The following SLC8A3 variants were observed in gnomAD, a reference collection of about 807,000 sequenced individuals.
SLC8A3 encodes solute carrier family 8 member A3.
A neutral mutation model predicts 65.4 loss-of-function variants in SLC8A3; 37 were observed. The ratio of observed to expected loss-of-function variants is 0.57; its 90% CI spans 0.44 to 0.74. The LOEUF is 0.74. SLC8A3 is among the 30% of genes least tolerant of loss of function. SLC8A3 has a pLI of 0.00. For synonymous variants in SLC8A3, 461 were observed against 444.5 expected (o/e 1.04, Z -0.47); for missense variants, 1,112 against 1,172.1 (o/e 0.95, Z 0.75).
chr14:70,147,086 A>G (rs1895973606), intron 2 of SLC8A3, among the ~76,000 whole-genome samples: 1 of 152,206 alleles, frequency 6.6e-6, no homozygotes, highest in African/African-American at 2.4e-5. Context: ...ATGGAACATA[A>G]CTGCTATGAA....
chr14:70,131,111 C>T (rs578129833), intron 2 of SLC8A3, among the ~76,000 whole-genome samples: 1 of 152,216 alleles, frequency 6.6e-6, no homozygotes, highest in African/African-American at 2.4e-5. Flanking sequence ...AGAATGAAAA[C>T]AGTCAGGAGA....
chr14:70,110,805 C>T (rs541081156), intron 2 of SLC8A3, among the ~76,000 whole-genome samples: 145 of 151,358 alleles, frequency 9.6e-4, no homozygotes, highest in African/African-American at 2.0e-3. Context: ...CTCAGCCTTC[C>T]GAGTAGCTGG....
chr14:70,177,479 G>A (rs1897979934), intron 1 of SLC8A3, among the ~76,000 whole-genome samples: 1 of 152,204 alleles, frequency 6.6e-6, no homozygotes, highest in African/African-American at 2.4e-5. Context: ...AGAAAGGAAG[G>A]TATAGTACCT....
In SLC8A3 at chr14:70,116,357, A is replaced by G. The variant is rs61977431; in HGVS notation, c.1784+50282T>C. Among the ~76,000 whole-genome samples the G allele has an allele frequency of 2.1e-3, 217 of 103,764 alleles. 2 individuals carry two copies. Among genetic ancestry groups the G allele is most frequent in the African/African-American group, 5.8e-3 (148 of 25,674 alleles). 68.1% of individuals were successfully genotyped at this position (103,764 alleles called of 152,430 possible). The stretch of plus-strand genomic sequence containing the variant: ...TGTGTGTGTGTGTGTGTGTGTGTGT[A>G]TGTGTGTGCACGTTTGTGTGCAGGG... On this transcript the variant is annotated intron_variant, in intron 2 of 6. Coordinates refer to ENST00000356921, the MANE Select transcript of SLC8A3 (RefSeq NM_182932.3).
At chr14:70,056,847 T>G (rs1740076876) in intron 3 of SLC8A3, among the ~76,000 whole-genome samples, 1 of 152,218 alleles carries the variant, frequency 6.6e-6, no homozygotes, top group African/African-American at 2.4e-5. Context: ...GCCCTTGAAT[T>G]TGTACTTATG....
rs1172099593 is a variant in SLC8A3, at chr14:70,048,951, C to T, written c.2205G>A (p.Val735=). Residue 735 remains valine (V), a synonymous_variant, in exon 6 of 7, where the codon GTG becomes GTA. Coordinates refer to ENST00000356921, the MANE Select transcript of SLC8A3 (RefSeq NM_182932.3). The part of the protein sequence containing the change: ...VMHFLTVFWK[V]LFACVPPTEY... The stretch of plus-strand genomic sequence containing the variant: ...CTGTGGGGGGCACACAGGCAAACAG[C>T]ACCTTCCAGAAGACAGTCAGGAAGT... 1.2e-6 allele frequency: 2 copies of T among 1,614,236 alleles called. No individual in the cohort carries two copies. The highest frequency in any genetic ancestry group is 1.7e-6 in the Non-Finnish European group (2 of 1,180,032).
At chr14:70,050,835 C>A (rs75081912) in intron 5 of SLC8A3, among the ~76,000 whole-genome samples, 173 bp downstream of exon 5, 1 of 152,096 alleles carries the variant, frequency 6.6e-6, no homozygotes, top group East Asian at 1.9e-4. Flanking sequence ...CAGAGATAAC[C>A]ATGTTTTTCA....
At chr14:70,082,214 T>G (rs11623433) in intron 2 of SLC8A3, among the ~76,000 whole-genome samples, 11,567 of 152,202 alleles carry the variant, frequency 0.076, 519 homozygotes, top group Non-Finnish European at 0.11. Flanking sequence ...TAGGTGTAAA[T>G]AGTCCAATTA....
chr14:70,069,746 T>A (rs1889830900), intron 2 of SLC8A3, among the ~76,000 whole-genome samples: 1 of 152,220 alleles, frequency 6.6e-6, no homozygotes, highest in Non-Finnish European at 1.5e-5. Context: ...CCCTGTTCCA[T>A]GAGAAGGCTT....
intron 2 of SLC8A3, among the ~76,000 whole-genome samples, chr14:70,159,766 T>A (rs1042721112): frequency 3.3e-5 from 5 of 150,136 alleles, no homozygotes; most frequent in Non-Finnish European, 7.4e-5. Flanking sequence ...TGCCTGAAGC[T>A]CCAATTAGCA....
intron 2 of SLC8A3, among the ~76,000 whole-genome samples, chr14:70,135,459 A>T (rs1178847762): frequency 6.6e-6 from 1 of 152,242 alleles, no homozygotes; most frequent in East Asian, 1.9e-4. Context: ...TTGGAGCACT[A>T]TTCACAATAG....
Position 70,166,892 on chromosome 14 carries a change from C to T in SLC8A3, c.1531G>A (p.Ala511Thr). ...GCCACACAAGGGGAGGCTAGGACAGCCCGAGGCAAGGGAAGACTGTTGAAT... is the reference window on the plus strand; with the variant it reads ...GCCACACAAGGGGAGGCTAGGACAGTCCGAGGCAAGGGAAGACTGTTGAAT... ...AIFNSLPLPR[A>T]VLASPCVATV... Residue 511 changes from alanine (A) to threonine (T), a missense_variant, in exon 2 of 7, where the codon GCT becomes ACT. Coordinates refer to ENST00000356921, the MANE Select transcript of SLC8A3 (RefSeq NM_182932.3). The T allele has an allele frequency of 6.2e-7, 1 of 1,614,186 alleles. No individual in the cohort carries two copies. Among genetic ancestry groups the T allele is most frequent in the Non-Finnish European group, 8.5e-7 (1 of 1,180,028 alleles).
At chr14:70,114,961 G>A (rs779771870) in intron 2 of SLC8A3, among the ~76,000 whole-genome samples, 1 of 152,156 alleles carries the variant, frequency 6.6e-6, no homozygotes, top group Non-Finnish European at 1.5e-5. Context: ...AGAGCCAGGT[G>A]GGGCTGACAG....
At chr14:70,179,002 TCTC>T (rs1322368113) in intron 1 of SLC8A3, among the ~76,000 whole-genome samples, 4 of 152,128 alleles carry the variant, frequency 2.6e-5, no homozygotes, top group African/African-American at 7.2e-5. Flanking sequence ...ACCTTTCAAA[TCTC>T]CTACCATTTT....
chr14:70,112,051 C>T (rs1026592368), intron 2 of SLC8A3, among the ~76,000 whole-genome samples: 2 of 152,294 alleles, frequency 1.3e-5, no homozygotes, highest in Non-Finnish European at 2.9e-5. Flanking sequence ...AGGGTAGAGG[C>T]ATGTTCCCTC....
intron 2 of SLC8A3, among the ~76,000 whole-genome samples, chr14:70,118,514 T>C (rs1394596014): frequency 6.6e-6 from 1 of 152,244 alleles, no homozygotes; most frequent in Non-Finnish European, 1.5e-5. Flanking sequence ...AGTCTCTATT[T>C]ATTCTCCCTT....
intron 2 of SLC8A3, among the ~76,000 whole-genome samples, chr14:70,093,864 A>G (rs1891971834): frequency 6.6e-6 from 1 of 152,122 alleles, no homozygotes; most frequent in South Asian, 2.1e-4. Context: ...GGTGGAACAC[A>G]CCCTCTGGTA....
intron 2 of SLC8A3, among the ~76,000 whole-genome samples, chr14:70,084,739 C>T (rs1054917222): frequency 1.3e-5 from 2 of 152,236 alleles, no homozygotes; most frequent in Non-Finnish European, 1.5e-5. Flanking sequence ...AGAGGAGAAA[C>T]GGAGTTGGAG....
chr14:70,132,596 G>A (rs1423061630), intron 2 of SLC8A3, among the ~76,000 whole-genome samples: 1 of 152,170 alleles, frequency 6.6e-6, no homozygotes, highest in Non-Finnish European at 1.5e-5. Flanking sequence ...GGCAAATGTG[G>A]ATGAAACGGG....
Sources: gnomAD v4.1 joint callset for allele counts (sites outside exome capture counted in the v4.1 genomes callset) on GRCh38, gnomAD v4.1.1 for gene constraint, MANE v1.5 for transcripts, NCBI Gene and HGNC (gene_info 2026-07-23, HGNC 2026-07-21) for gene names.